The following ABCF2 variants were observed in gnomAD, a reference collection of about 807,000 sequenced individuals.
The protein encoded by ABCF2 is ATP binding cassette subfamily F member 2, also known as ATP-binding cassette sub-family F member 2.
Under a neutral mutation model 76.9 loss-of-function variants are expected in ABCF2, and 37 were observed. That is an observed-to-expected ratio of 0.48 (90% CI 0.37 to 0.63). ABCF2 has a LOEUF of 0.63. Among genes scored for constraint, ABCF2 ranks in the 30% least tolerant of loss-of-function variants. The pLI, the probability that ABCF2 is intolerant of heterozygous loss-of-function variation, is 0.00. For missense variants in ABCF2, 524 were observed against 782.1 expected (o/e 0.67, Z 3.94); for synonymous variants, 299 against 283.7 (o/e 1.05, Z -0.54).
chr7:151,226,578 G>A (rs1337157886), intron 1 of ABCF2, 78 bp from the exon 2 acceptor site: 10 of 1,095,612 alleles, frequency 9.1e-6, no homozygotes, highest in Non-Finnish European at 1.3e-5. Flanking sequence ...ATCCCTCTCA[G>A]GAATCTTCGT....
intron 6 of ABCF2, 44 bp downstream of exon 6, chr7:151,222,477 C>A (rs781638601): frequency 1.3e-6 from 2 of 1,516,790 alleles, no homozygotes; most frequent in South Asian, 1.1e-5. Flanking sequence ...CTAGATTCCC[C>A]CTTTGGGACC....
At chr7:151,222,960 C>T (rs1802301000) in intron 5 of ABCF2, among the ~76,000 whole-genome samples, 2 of 152,102 alleles carry the variant, frequency 1.3e-5, no homozygotes, top group South Asian at 4.1e-4. Context: ...CAAATTAGAC[C>T]TATCTGAAGG....
chr7:151,219,874 G>A lies in ABCF2; in HGVS notation c.922-715C>T, dbSNP rs866414348. ...AGCACTTTGGGAGGCTGAGGTGGGT[G>A]GATCACTTGAGGCCAGGAGTTTGAC... is the stretch of plus-strand genomic sequence containing the variant. On this transcript the variant is annotated intron_variant, in intron 7 of 14. Coordinates refer to ENST00000287844, the MANE Select transcript of ABCF2 (RefSeq NM_007189.3). 5.1e-4 allele frequency among the ~76,000 whole-genome samples: 78 copies of A among 152,240 alleles called. No homozygotes were observed. In the Middle Eastern group the frequency reaches 0.02, roughly 40 times the overall value.
intron 7 of ABCF2, among the ~76,000 whole-genome samples, chr7:151,219,739 T>C (rs529514549): frequency 6.6e-6 from 1 of 152,338 alleles, no homozygotes; most frequent in Non-Finnish European, 1.5e-5. Context: ...GATTTATATA[T>C]ACTCACATGG....
In ABCF2 at chr7:151,218,922, T is replaced by C; in HGVS notation, c.1018-49A>G. ...GGAGTATGTGCAGGCGCTCAACAATTCATCTTCAATCCAGGGTAAAAATGT... is the reference window on the plus strand; with the variant it reads ...GGAGTATGTGCAGGCGCTCAACAATCCATCTTCAATCCAGGGTAAAAATGT... On this transcript the variant is annotated intron_variant, in intron 8 of 14. Transcript: ENST00000287844. 3.1e-6 allele frequency: 5 copies of C among 1,610,256 alleles called. No individual in the cohort carries two copies. In the East Asian group the frequency reaches 1.1e-4, roughly 36 times the overall value.
In ABCF2 at chr7:151,212,397, AG is replaced by A; in HGVS notation, c.*1656del. 2 of 985,492 alleles carry A rather than the reference AG, an allele frequency of 2.0e-6. No homozygotes were observed. Among genetic ancestry groups the A allele is most frequent in the Non-Finnish European group, 2.4e-6 (2 of 829,940 alleles). The allele number at this position is 985,492 out of a possible 1,614,324, so 61.0% of individuals were successfully genotyped here. A position where few individuals can be genotyped will look rare whatever the true frequency, so the allele number is the denominator to read the frequency against. ...ATTTCCTGTATCCCAATAGGAAGAG[AG>A]GTTCACAGACGTTGGTGTGAAAATG... On this transcript the variant is annotated 3_prime_UTR_variant, in exon 15 of 15. Coordinates refer to ENST00000287844, the MANE Select transcript of ABCF2 (RefSeq NM_007189.3).
intron 5 of ABCF2, 90 bp from the exon 6 acceptor site, chr7:151,222,706 G>GGCTTGAGTCTTGAA: frequency 2.0e-6 from 2 of 1,002,690 alleles, no homozygotes; most frequent in Non-Finnish European, 3.0e-6. Context: ...ATGCAATTCT[G>GGCTTGAGTCTTGAA]AGTAGGCTCC....
In ABCF2 at chr7:151,214,497, G is replaced by A. The variant is rs2279024; in HGVS notation, c.1735-306C>T. On this transcript the variant is annotated intron_variant, in intron 14 of 14. Coordinates refer to ENST00000287844, the MANE Select transcript of ABCF2 (RefSeq NM_007189.3). This position sits in a 1 kb window ranked among gnomAD's most constrained non-coding sequence, Gnocchi z 4.9. ...ACCTCTCATCTTCCCCAGAGCTTCA[G>A]AGGAATGAGCAACAACTTTTTCTCA... Among the ~76,000 whole-genome samples the A allele has an allele frequency of 1.9e-3, 291 of 152,308 alleles. 1 individual carries two copies. The highest frequency in any genetic ancestry group is 0.016 in the Admixed American group (250 of 15,304).
At position 151,223,691 on chromosome 7, in the gene ABCF2, C is replaced by A. The variant is rs1438317149; in HGVS notation, c.709G>T (p.Val237Phe). Reference protein sequence around the residue: ...KDFSGGWRMRVALARALFIRP... With the variant: ...KDFSGGWRMRFALARALFIRP... The stretch of plus-strand genomic sequence containing the variant: ...GGAGGGACTCACCTGGCAAGGGCAA[C>A]CCTCATCCTCCAGCCCCCACTGAAG... The change falls in exon 5 of 15, where the codon GTT (valine) becomes TTT (phenylalanine). Residue 237 changes from valine (V) to phenylalanine (F), a missense_variant. This residue lies in a region of ABCF2 where 330 missense variants were observed against 433.6 expected (regional missense o/e 0.76). Coordinates refer to ENST00000287844, the MANE Select transcript of ABCF2 (RefSeq NM_007189.3). 3 of 1,601,284 alleles carry A rather than the reference C, an allele frequency of 1.9e-6. No individual in the cohort carries two copies. Among genetic ancestry groups the A allele is most frequent in the Non-Finnish European group, 8.5e-7 (1 of 1,171,220 alleles).
chr7:151,215,172 AT>A lies in ABCF2; in HGVS notation c.1531-91del. The A allele has an allele frequency of 8.2e-7, 1 of 1,214,808 alleles. No homozygotes were observed. The highest frequency in any genetic ancestry group is 1.2e-6 in the Non-Finnish European group (1 of 848,028). 75.3% of individuals were successfully genotyped at this position (1,214,808 alleles called of 1,614,324 possible). ...TCCCTCATTTCTCCCTGACTCCTCCATTAGCATCGCCATTTATAAAAAGTGA... is the reference window on the plus strand; with the variant it reads ...TCCCTCATTTCTCCCTGACTCCTCCATAGCATCGCCATTTATAAAAAGTGA... On this transcript the variant is annotated intron_variant, in intron 13 of 14. Coordinates refer to ENST00000287844, the MANE Select transcript of ABCF2 (RefSeq NM_007189.3). The surrounding 1 kb of genome is among the most constrained non-coding windows in gnomAD (Gnocchi z 4.6).
rs943040588 is a variant in ABCF2 at position 151,218,829 on chromosome 7, C to T, written c.1062G>A (p.Arg354=). ...RFGHGSAKLA[R]QAQSKEKTLQ... ...GCGTCTTCTCCTTGCTCTGGGCCTG[C>T]CGGGCCAGCTTGGCACTGCCATGAC... Residue 354 remains arginine (R), a synonymous_variant, in exon 9 of 15, where the codon CGG becomes CGA. Coordinates refer to ENST00000287844, the MANE Select transcript of ABCF2 (RefSeq NM_007189.3). 1.5e-5 allele frequency: 24 copies of T among 1,613,478 alleles called. No homozygotes were observed. The highest frequency in any genetic ancestry group is 2.0e-5 in the Non-Finnish European group (24 of 1,179,974).
In ABCF2 at chr7:151,226,778, C is replaced by T; in HGVS notation, c.-42-278G>A. 1.2e-5 allele frequency: 3 copies of T among 242,556 alleles called. No individual in the cohort carries two copies. In the South Asian group the frequency reaches 2.4e-4, roughly 20 times the overall value. 15.0% of individuals were successfully genotyped at this position (242,556 alleles called of 1,614,324 possible). A position where few individuals can be genotyped will look rare whatever the true frequency, so the allele number is the denominator to read the frequency against. Reference sequence around the variant, plus strand: ...TCTTTCAGGGCCTCCGGCTGGGGACCAGGTTCTGCCCCTCAGCGGAGGTCT... The same window carrying T: ...TCTTTCAGGGCCTCCGGCTGGGGACTAGGTTCTGCCCCTCAGCGGAGGTCT... On this transcript the variant is annotated intron_variant, in intron 1 of 14. Transcript: ENST00000287844.
chr7:151,211,929 C>T lies in ABCF2; in HGVS notation c.*2125G>A. On this transcript the variant is annotated 3_prime_UTR_variant, in exon 15 of 15. Transcript: ENST00000287844. ...CAGGGCAGCTCCTGGACTTTGTGGC[C>T]ATCTGAGAAGATCCTACTCATTTTT... The T allele has an allele frequency of 1.0e-6, 1 of 985,416 alleles. No individual in the cohort carries two copies. The highest frequency in any genetic ancestry group is 1.1e-4 in the East Asian group (1 of 8,824). 61.0% of individuals were successfully genotyped at this position (985,416 alleles called of 1,614,324 possible).
rs972854107 is a variant in ABCF2 at position 151,212,924 on chromosome 7, G to C, written c.*1130C>G. On this transcript the variant is annotated 3_prime_UTR_variant, in exon 15 of 15. Coordinates refer to ENST00000287844, the MANE Select transcript of ABCF2 (RefSeq NM_007189.3). ...AGCGATCCATCCACCCTAGCCACCT[G>C]AGCAGGTGGGATTCCAGGCACATAA... is the stretch of plus-strand genomic sequence containing the variant. The C allele has an allele frequency of 1.6e-4, 45 of 273,040 alleles. No homozygotes were observed. The highest frequency in any genetic ancestry group is 2.3e-4 in the Non-Finnish European group (42 of 178,946). 16.9% of individuals were successfully genotyped at this position (273,040 alleles called of 1,614,324 possible).
chr7:151,217,754 T>TC (rs1368934128), intron 11 of ABCF2, among the ~76,000 whole-genome samples: 4 of 150,832 alleles, frequency 2.7e-5, no homozygotes, highest in African/African-American at 9.8e-5. Flanking sequence ...GATCGCACAT[T>TC]GCACTCCAGC....
chr7:151,214,792 G>T lies in ABCF2; in HGVS notation c.1734+87C>A. 7.8e-7 allele frequency: 1 copy of T among 1,284,486 alleles called. No homozygotes were observed. The highest frequency in any genetic ancestry group is 1.1e-6 in the Non-Finnish European group (1 of 893,226). The allele number at this position is 1,284,486 out of a possible 1,614,324, so 79.6% of individuals were successfully genotyped here. A position where few individuals can be genotyped will look rare whatever the true frequency, so the allele number is the denominator to read the frequency against. On this transcript the variant is annotated intron_variant, in intron 14 of 14. Coordinates refer to ENST00000287844, the MANE Select transcript of ABCF2 (RefSeq NM_007189.3). This position sits in a 1 kb window ranked among gnomAD's most constrained non-coding sequence, Gnocchi z 4.9. Reference sequence around the variant, plus strand: ...GCCCCTTCTCTTAATTCAGTAGGCGGGTATTATGCACCCTCCACATGCCAT... The same window carrying T: ...GCCCCTTCTCTTAATTCAGTAGGCGTGTATTATGCACCCTCCACATGCCAT...
chr7:151,212,033 C>A lies in ABCF2; in HGVS notation c.*2021G>T. 4 of 945,942 alleles carry A rather than the reference C, an allele frequency of 4.2e-6. No homozygotes were observed. Among genetic ancestry groups the A allele is most frequent in the Non-Finnish European group, 5.0e-6 (4 of 794,010 alleles). 58.6% of individuals were successfully genotyped at this position (945,942 alleles called of 1,614,324 possible). ...CCCTCCTTTTTGAATACTTCTGTCTCCTATCTAAATCACAATTTAGCATCT... is the reference window on the plus strand; with the variant it reads ...CCCTCCTTTTTGAATACTTCTGTCTACTATCTAAATCACAATTTAGCATCT... On this transcript the variant is annotated 3_prime_UTR_variant, in exon 15 of 15. Transcript: ENST00000287844.
Position 151,214,894 on chromosome 7 carries a change from G to A in ABCF2, c.1719C>T (p.Phe573=), listed in dbSNP as rs1005607501. The change falls in exon 14 of 15, where the codon TTC becomes TTT. Residue 573 remains phenylalanine (F), a synonymous_variant. Coordinates refer to ENST00000287844, the MANE Select transcript of ABCF2 (RefSeq NM_007189.3). This position sits in a 1 kb window ranked among gnomAD's most constrained non-coding sequence, Gnocchi z 4.9. The part of the protein sequence containing the change: ...EGGMMLVSHD[F]RLIQQVAQEI... ...AGGGCCTCACCTGCTGAATGAGTCTGAAGTCATGGCTGACCAGCATCATAC... is the reference window on the plus strand; with the variant it reads ...AGGGCCTCACCTGCTGAATGAGTCTAAAGTCATGGCTGACCAGCATCATAC... 1.2e-6 allele frequency: 2 copies of A among 1,614,192 alleles called. No homozygotes were observed. The highest frequency in any genetic ancestry group is 4.5e-5 in the East Asian group (2 of 44,882).
Position 151,226,486 on chromosome 7 carries a change from G to T in ABCF2, c.-28C>A, listed in dbSNP as rs770059116. 40 of 1,606,678 alleles carry T rather than the reference G, an allele frequency of 2.5e-5. No homozygotes were observed. In the South Asian group the frequency reaches 4.4e-4, roughly 18 times the overall value. On this transcript the variant is annotated 5_prime_UTR_variant, in exon 2 of 15. Coordinates refer to ENST00000287844, the MANE Select transcript of ABCF2 (RefSeq NM_007189.3). ...TGATGACCCACAGGGGTAGGTTACT[G>T]TTGTTTCAGGGAGCCTGAAGGAAGG...
Sources: allele counts gnomAD v4.1 joint callset (sites outside exome capture counted in the v4.1 genomes callset), GRCh38; gene constraint gnomAD v4.1.1; regional missense constraint gnomAD v4.1.1; non-coding constraint Gnocchi (gnomAD v3.1); transcripts MANE v1.5; gene names NCBI Gene and HGNC (gene_info 2026-07-23, HGNC 2026-07-21).